Variants in ADGRL2 observed in about 807,000 individuals in gnomAD.
ADGRL2 encodes the protein adhesion G protein-coupled receptor L2.
Under a neutral mutation model 157.4 loss-of-function variants are expected in ADGRL2, and 44 were observed. The observed-to-expected ratio is 0.28, with a 90% CI of 0.22 to 0.36. The LOEUF is 0.36. Ranked by LOEUF, ADGRL2 falls within the 10% of genes least tolerant of loss-of-function variation. The pLI, the probability that ADGRL2 is intolerant of heterozygous loss-of-function variation, is 1.00. For missense variants in ADGRL2, 1,510 were observed against 1,768.9 expected (o/e 0.85, Z 2.63); for synonymous variants, 585 against 624.7 (o/e 0.94, Z 0.95).
In ADGRL2 at chr1:81,451,795, G is replaced by A. The variant is rs187455998; in HGVS notation, c.-248+6706G>A. ...ATTCTTCTCTTTGCTTCCATCATGC[G>A]TTAATTTTTTGTTAATTAAAACCAC... On this transcript the variant is annotated intron_variant, in intron 2 of 24. Coordinates refer to the ADGRL2 transcript ENST00000370721. Among the ~76,000 whole-genome samples, 1,027 of 152,010 alleles carry A rather than the reference G, an allele frequency of 6.8e-3. 5 individuals carry two copies. The highest frequency in any genetic ancestry group is 0.01 in the Non-Finnish European group (695 of 67,972).
At chr1:81,577,959 C>T (rs1309067432) in intron 2 of ADGRL2, among the ~76,000 whole-genome samples, 1 of 152,132 alleles carries the variant, frequency 6.6e-6, no homozygotes, top group Admixed American at 6.6e-5. Flanking sequence ...AGATTAATTG[C>T]TTATCAAGTT....
intron 1 of ADGRL2, among the ~76,000 whole-genome samples, chr1:81,333,762 C>CAAAAAA: frequency 8.9e-6 from 1 of 111,964 alleles, no homozygotes; most frequent in Non-Finnish European, 1.8e-5. Context: ...GTTCCCTAAG[C>CAAAAAA]AAAAAAAAAA....
intron 2 of ADGRL2, among the ~76,000 whole-genome samples, chr1:81,544,910 T>C (rs2079975840): frequency 6.6e-6 from 1 of 152,206 alleles, no homozygotes; most frequent in African/African-American, 2.4e-5. Context: ...CGCTATGTGA[T>C]GATCTTTCCA....
At chr1:81,487,783 C>A (rs929056416) in intron 2 of ADGRL2, among the ~76,000 whole-genome samples, 2 of 152,090 alleles carry the variant, frequency 1.3e-5, no homozygotes, top group African/African-American at 4.8e-5. Flanking sequence ...GAGTTTGTAT[C>A]TGAATACTCA....
At chr1:81,587,686 C>A (rs1239182056) in intron 3 of ADGRL2, among the ~76,000 whole-genome samples, 2 of 152,008 alleles carry the variant, frequency 1.3e-5, no homozygotes. Context: ...AGGGGAGTAA[C>A]ATGATAAGAA....
intron 2 of ADGRL2, among the ~76,000 whole-genome samples, chr1:81,895,260 A>T (rs906215279): frequency 6.6e-6 from 1 of 152,150 alleles, no homozygotes; most frequent in African/African-American, 2.4e-5. Flanking sequence ...AGCTGTTGTT[A>T]CACAGGTAAC....
At chr1:81,743,384 T>C (rs552586209) in intron 1 of ADGRL2, among the ~76,000 whole-genome samples, 1 of 121,808 alleles carries the variant, frequency 8.2e-6, no homozygotes, top group Non-Finnish European at 1.7e-5. Context: ...AGAGTGCTAA[T>C]AACAGAAGGT....
rs574717500 is a variant in ADGRL2 at position 81,400,951 on chromosome 1, C to T, written c.-301-44085C>T. ...CCCTAGGATGCATAGCTGTTCAGTT[C>T]GGCCAAGAAAGGCAACATTTTCTCA... On this transcript the variant is annotated intron_variant, in intron 1 of 24. Coordinates refer to the ADGRL2 transcript ENST00000370721. 3.9e-4 allele frequency among the ~76,000 whole-genome samples: 59 copies of T among 152,198 alleles called. 1 individual carries two copies. The highest frequency in any genetic ancestry group is 1.3e-3 in the African/African-American group (54 of 41,522).
chr1:81,474,950 T>A (rs1553168255), intron 2 of ADGRL2, among the ~76,000 whole-genome samples: 1 of 152,278 alleles, frequency 6.6e-6, no homozygotes, highest in Middle Eastern at 3.4e-3. Flanking sequence ...GCCACCAGTA[T>A]AGTTCCTAAC....
At chr1:81,685,546 G>T (rs771481979) in intron 3 of ADGRL2, among the ~76,000 whole-genome samples, 19 of 152,104 alleles carry the variant, frequency 1.2e-4, no homozygotes, top group Non-Finnish European at 2.5e-4. Flanking sequence ...GGAGTCTTTA[G>T]GGTTTTCAAG....
At chr1:81,709,258 G>C (rs1037225745) in intron 1 of ADGRL2, among the ~76,000 whole-genome samples, 2 of 152,142 alleles carry the variant, frequency 1.3e-5, no homozygotes, top group Non-Finnish European at 2.9e-5. Flanking sequence ...CCAACCTAAT[G>C]GGAGACAAGA....
chr1:81,488,489 C>T (rs974604468), intron 2 of ADGRL2, among the ~76,000 whole-genome samples: 5 of 149,832 alleles, frequency 3.3e-5, no homozygotes, highest in African/African-American at 1.2e-4. Context: ...AGCTTGAGCT[C>T]AGGAGTTTTG....
intron 1 of ADGRL2, among the ~76,000 whole-genome samples, chr1:81,364,645 C>G (rs965772344): frequency 3.3e-5 from 5 of 151,724 alleles, no homozygotes; most frequent in African/African-American, 1.2e-4. Context: ...CACCAGAATT[C>G]TTCACAAGCA....
intron 1 of ADGRL2, among the ~76,000 whole-genome samples, chr1:81,410,289 T>C (rs2076925930): frequency 6.6e-6 from 1 of 152,216 alleles, no homozygotes; most frequent in African/African-American, 2.4e-5. Context: ...GGGAAATTTG[T>C]ATTAGGTCCT....
At chr1:81,959,875 A>G (rs564434902) in intron 11 of ADGRL2, among the ~76,000 whole-genome samples, 15 of 151,934 alleles carry the variant, frequency 9.9e-5, no homozygotes, top group African/African-American at 3.6e-4. Flanking sequence ...ATCTTGGCTC[A>G]TTGCAGCCTC....
At chr1:81,354,267 T>A (rs376955775) in intron 1 of ADGRL2, among the ~76,000 whole-genome samples, 9 of 152,190 alleles carry the variant, frequency 5.9e-5, no homozygotes, top group African/African-American at 1.9e-4. Flanking sequence ...TTAGAGAAGT[T>A]TAGGAACTTG....
At chr1:81,659,053 T>A (rs923357042) in intron 3 of ADGRL2, among the ~76,000 whole-genome samples, 3 of 11,474 alleles carry the variant, frequency 2.6e-4, no homozygotes, top group African/African-American at 8.8e-4. Context: ...CACCCAGCAA[T>A]TTTTTTTTTT....
At chr1:81,336,559 G>T (rs544219297) in intron 1 of ADGRL2, among the ~76,000 whole-genome samples, 1 of 152,210 alleles carries the variant, frequency 6.6e-6, no homozygotes, top group Admixed American at 6.5e-5. Flanking sequence ...CCAATGTGAA[G>T]TGCACTAGAC....
At chr1:81,580,072 G>C (rs1397800987) in intron 2 of ADGRL2, among the ~76,000 whole-genome samples, 7 of 152,122 alleles carry the variant, frequency 4.6e-5, no homozygotes, top group Non-Finnish European at 1.5e-5. Flanking sequence ...ATTCTACATA[G>C]TGAATGCCTC....
Sources: allele counts gnomAD v4.1 joint callset (sites outside exome capture counted in the v4.1 genomes callset), GRCh38; gene constraint gnomAD v4.1.1; transcripts MANE v1.5; gene names NCBI Gene and HGNC (gene_info 2026-07-23, HGNC 2026-07-21).